The following FNIP2 variants were observed in gnomAD, a reference collection of about 807,000 sequenced individuals.
FNIP2 encodes folliculin interacting protein 2, also known as folliculin-interacting protein 2.
Under a neutral mutation model 108.7 loss-of-function variants are expected in FNIP2, and 32 were observed. The ratio of observed to expected loss-of-function variants is 0.29; its 90% CI spans 0.22 to 0.40. The LOEUF (loss-of-function observed/expected upper bound fraction) is 0.40. FNIP2 is among the 10% of genes least tolerant of loss of function. The pLI, the probability that FNIP2 is intolerant of heterozygous loss-of-function variation, is 1.00. For synonymous variants in FNIP2, 480 were observed against 496.7 expected, an observed-to-expected ratio of 0.97 and a Z score of 0.45; for missense variants, 1,202 against 1,381.6, an observed-to-expected ratio of 0.87 and a Z score of 2.06.
intron 12 of FNIP2, among the ~76,000 whole-genome samples, chr4:158,866,190 G>T (rs1780564808): frequency 8.0e-6 from 1 of 125,036 alleles, no homozygotes; most frequent in African/African-American, 2.9e-5. Flanking sequence ...TATCTTTTCA[G>T]CTTTTGATTT....
At chr4:158,870,111 G>A (rs1560819273) in intron 13 of FNIP2, among the ~76,000 whole-genome samples, 1 of 152,038 alleles carries the variant, frequency 6.6e-6, no homozygotes, top group Non-Finnish European at 1.5e-5. Flanking sequence ...ACTAGCCATG[G>A]ATAGTTTTTT....
rs76668327 is a variant in FNIP2, at chr4:158,811,882, C to T, written c.108-14034C>T. ...CAGTGGTAATCTTTTCCCATGTGAG[C>T]GAACAAGCCACGCGGGTGTTTGAGG... On this transcript the variant is annotated intron_variant, in intron 1 of 16. Transcript: ENST00000264433. Among the ~76,000 whole-genome samples the T allele has an allele frequency of 5.7e-3, 865 of 152,242 alleles. 6 individuals are homozygous for T. The highest frequency in any genetic ancestry group is 0.019 in the African/African-American group (797 of 41,534).
chr4:158,801,211 G>T (rs1388273994), intron 1 of FNIP2, among the ~76,000 whole-genome samples: 1 of 152,136 alleles, frequency 6.6e-6, no homozygotes, highest in Non-Finnish European at 1.5e-5. Flanking sequence ...GTAGGGGCCG[G>T]TGTGCTTGGC....
chr4:158,771,243 A>C (rs915395313), intron 1 of FNIP2, among the ~76,000 whole-genome samples: 3 of 152,196 alleles, frequency 2.0e-5, no homozygotes, highest in African/African-American at 7.2e-5. Context: ...GATAGAGGTC[A>C]CCATGGAAAA....
chr4:158,858,410 A>C lies in FNIP2; in HGVS notation c.858-647A>C, dbSNP rs1317497280. ...TTTTGTGAGGCTTACCCCACAAGAC[A>C]AATTAAATATATATTTAGAAGTTTT... On this transcript the variant is annotated intron_variant, in intron 8 of 16. Coordinates refer to ENST00000264433, the MANE Select transcript of FNIP2 (RefSeq NM_020840.3). 2.0e-5 allele frequency among the ~76,000 whole-genome samples: 3 copies of C among 152,232 alleles called. No homozygotes were observed. The East Asian group carries it at 5.8e-4, about 29-fold the overall frequency.
chr4:158,818,943 T>C (rs1206633047), intron 1 of FNIP2, among the ~76,000 whole-genome samples: 2 of 152,244 alleles, frequency 1.3e-5, no homozygotes, highest in Non-Finnish European at 2.9e-5. Flanking sequence ...CCAAGCATCA[T>C]GTCTTCTGTG....
At chr4:158,806,376 A>C (rs1405367928) in intron 1 of FNIP2, 1 of 1,289,274 alleles carries the variant, frequency 7.8e-7, no homozygotes, top group African/African-American at 1.5e-5. Flanking sequence ...AGATTAAAAA[A>C]CACACCGGAG....
chr4:158,772,400 GT>G (rs1478169928), intron 1 of FNIP2, among the ~76,000 whole-genome samples: 1 of 152,046 alleles, frequency 6.6e-6, no homozygotes, highest in Admixed American at 6.6e-5. Flanking sequence ...TGTTGTTGTT[GT>G]TTTTTTCTCC....
intron 1 of FNIP2, among the ~76,000 whole-genome samples, chr4:158,802,907 A>G (rs986484413): frequency 2.0e-5 from 3 of 152,228 alleles, no homozygotes; most frequent in African/African-American, 7.2e-5. Flanking sequence ...ACTCTTCTGT[A>G]GGACCACTTA....
chr4:158,838,483 A>G (rs1265218399), intron 7 of FNIP2, among the ~76,000 whole-genome samples: 1 of 152,162 alleles, frequency 6.6e-6, no homozygotes, highest in Non-Finnish European at 1.5e-5. Context: ...AGCCTCCCAA[A>G]GTGCTGAGAT....
chr4:158,851,538 A>C, intron 8 of FNIP2, 88 bp downstream of exon 8: 1 of 1,521,026 alleles, frequency 6.6e-7, no homozygotes, highest in Non-Finnish European at 8.8e-7. Flanking sequence ...GCCTATTGTC[A>C]GTGGAAAAAA....
At chr4:158,831,547 T>C (rs1439819376) in intron 3 of FNIP2, among the ~76,000 whole-genome samples, 1 of 152,254 alleles carries the variant, frequency 6.6e-6, no homozygotes, top group Non-Finnish European at 1.5e-5. Flanking sequence ...ATTTAATCTT[T>C]GTATTTAGAG....
chr4:158,887,565 C>T (rs927716565), intron 14 of FNIP2, among the ~76,000 whole-genome samples: 2 of 151,772 alleles, frequency 1.3e-5, no homozygotes, highest in South Asian at 2.1e-4. Flanking sequence ...GGTGAAACCC[C>T]GTCTCTACTA....
At chr4:158,825,782 G>A (rs1252759484) in intron 1 of FNIP2, 134 bp from the exon 2 acceptor site, 1 of 1,082,994 alleles carries the variant, frequency 9.2e-7, no homozygotes, top group Non-Finnish European at 1.3e-6. Flanking sequence ...CCCCAGTTCT[G>A]AGGGGATCAC....
chr4:158,836,635 C>T (rs1484185617), intron 7 of FNIP2: 1 of 135,322 alleles, frequency 7.4e-6, no homozygotes, highest in Non-Finnish European at 1.6e-5. Context: ...TCCATCTCTA[C>T]TAAAAATACA....
chr4:158,815,340 G>T (rs1208923015), intron 1 of FNIP2, among the ~76,000 whole-genome samples: 4 of 150,918 alleles, frequency 2.7e-5, no homozygotes, highest in African/African-American at 9.7e-5. Context: ...TGTAAAGAGT[G>T]TAGAATGAAA....
At chr4:158,859,325 C>A (rs1055571018) in intron 9 of FNIP2, 67 bp downstream of exon 9, 3 of 1,478,064 alleles carry the variant, frequency 2.0e-6, no homozygotes, top group African/African-American at 1.4e-5. Context: ...GGCAGAATTT[C>A]TTTGCCGATG....
Position 158,833,692 on chromosome 4 carries a change from C to T in FNIP2, c.655+64C>T, listed in dbSNP as rs1578884979. 2.0e-6 allele frequency: 3 copies of T among 1,497,534 alleles called. No homozygotes were observed. The East Asian group carries it at 6.8e-5, about 34-fold the overall frequency. 92.8% of individuals were successfully genotyped at this position (1,497,534 alleles called of 1,614,324 possible). A position where few individuals can be genotyped will look rare whatever the true frequency, so the allele number is the denominator to read the frequency against. On this transcript the variant is annotated intron_variant, in intron 6 of 16. Coordinates refer to ENST00000264433, the MANE Select transcript of FNIP2 (RefSeq NM_020840.3). ...TACACTATTGTGGGTGTGTGTTTTG[C>T]TTTATTTGAGTTTGTCGTGGGTTTT...
chr4:158,808,346 G>A (rs1777085157), intron 1 of FNIP2, among the ~76,000 whole-genome samples: 1 of 152,122 alleles, frequency 6.6e-6, no homozygotes, highest in South Asian at 2.1e-4. Context: ...TCGAAGTGAT[G>A]CTTTAAATTT....
Sources: gnomAD v4.1 joint callset for allele counts (sites outside exome capture counted in the v4.1 genomes callset) on GRCh38, gnomAD v4.1.1 for gene constraint, MANE v1.5 for transcripts, NCBI Gene and HGNC (gene_info 2026-07-23, HGNC 2026-07-21) for gene names.